PCDHA1: variants seen among roughly 807,000 people sequenced by gnomAD.
The protein encoded by PCDHA1 is protocadherin alpha-1.
A neutral mutation model predicts 61.3 loss-of-function variants in PCDHA1; 42 were observed. The ratio of observed to expected loss-of-function variants is 0.69; its 90% confidence interval spans 0.54 to 0.89. PCDHA1 has a LOEUF of 0.89. Ranked by LOEUF, PCDHA1 falls within the 40% of genes least tolerant of loss-of-function variation. The probability of loss-of-function intolerance (pLI) is 0.00; values close to 1 mark genes in which losing one functional copy is unlikely to be tolerated. For synonymous variants in PCDHA1, 610 were observed against 553.8 expected, an observed-to-expected ratio of 1.10 and a Z score of -1.43; for missense variants, 1,256 against 1,235.3, an observed-to-expected ratio of 1.02 and a Z score of -0.25.
intron 1 of PCDHA1, chr5:140,809,079 T>C (rs1183753194): frequency 2.5e-6 from 4 of 1,613,792 alleles, no homozygotes; most frequent in Non-Finnish European, 2.5e-6. Context: ...ACTGGCGAGA[T>C]CAGCACAACG....
chr5:140,967,528 T>C, intron 1 of PCDHA1: 3 of 1,613,146 alleles, frequency 1.9e-6, no homozygotes, highest in Non-Finnish European at 2.5e-6. Context: ...ACGACAACTC[T>C]CCTGCCTTTG....
At chr5:140,875,247 A>T in intron 1 of PCDHA1, 1 of 962,254 alleles carries the variant, frequency 1.0e-6, no homozygotes, top group Non-Finnish European at 1.5e-6. Flanking sequence ...TTACATAATC[A>T]GTCACATGAT....
chr5:141,008,642 T>C (rs1554261860), intron 3 of PCDHA1, among the ~76,000 whole-genome samples: 1 of 152,212 alleles, frequency 6.6e-6, no homozygotes, highest in Non-Finnish European at 1.5e-5. Flanking sequence ...AACAATTTCT[T>C]CTTCTGGAGT....
intron 1 of PCDHA1, chr5:140,803,407 C>A (rs782612711): frequency 6.2e-7 from 1 of 1,614,210 alleles, no homozygotes; most frequent in East Asian, 2.2e-5. Flanking sequence ...CCGGGCAAGC[C>A]CACGCTGGTG....
Position 140,787,744 on chromosome 5 carries a change from A to G in PCDHA1, c.1454A>G (p.Gln485Arg), listed in dbSNP as rs782274499. ...GTGTCTGCGCGGGACGCGGACGCGC[A>G]GGAGAACGCGCTGGTGTCCTATTCG... Reference protein sequence around the residue: ...FTVSARDADAQENALVSYSLV... With the variant: ...FTVSARDADARENALVSYSLV... The change falls in exon 1 of 4, where the codon CAG (glutamine) becomes CGG (arginine). Residue 485 changes from glutamine (Q) to arginine (R), a missense_variant. Transcript: ENST00000504120. 2.5e-6 allele frequency: 4 copies of G among 1,613,434 alleles called. No homozygotes were observed. In the Admixed American group the frequency reaches 6.7e-5, roughly 27 times the overall value.
chr5:140,968,444 A>G (rs781941315), intron 1 of PCDHA1: 1 of 1,614,048 alleles, frequency 6.2e-7, no homozygotes, highest in South Asian at 1.1e-5. Context: ...CCCACCACTG[A>G]GCAGCACTGT....
intron 1 of PCDHA1, among the ~76,000 whole-genome samples, chr5:140,916,482 G>C (rs2077584456): frequency 6.6e-6 from 1 of 152,194 alleles, no homozygotes; most frequent in African/African-American, 2.4e-5. Context: ...GTGCCCAAGG[G>C]CTCTTTAGTC....
At chr5:140,807,019 GAGA>G in intron 1 of PCDHA1, 1 of 815,358 alleles carries the variant, frequency 1.2e-6, no homozygotes, top group Non-Finnish European at 1.9e-6. Context: ...AAATACATGA[GAGA>G]AGGAGGAAGA....
At chr5:140,794,931 T>C (rs1554119195) in intron 1 of PCDHA1, 1 of 1,561,502 alleles carries the variant, frequency 6.4e-7, no homozygotes, top group South Asian at 1.2e-5. Context: ...CAAAACATGC[T>C]CTTCTAATTT....
intron 1 of PCDHA1, chr5:140,858,328 G>A (rs782462952): frequency 3.1e-6 from 5 of 1,596,534 alleles, no homozygotes; most frequent in East Asian, 2.2e-5. Context: ...GTTCTGGGGA[G>A]GGCCTGCCCA....
At chr5:140,857,104 T>G in intron 1 of PCDHA1, 6 of 1,597,962 alleles carry the variant, frequency 3.8e-6, no homozygotes, top group Non-Finnish European at 5.1e-6. Flanking sequence ...TGATTGTCAC[T>G]TCTCTGTCTC....
At chr5:140,895,036 A>T (rs1207978693) in intron 1 of PCDHA1, among the ~76,000 whole-genome samples, 1 of 151,998 alleles carries the variant, frequency 6.6e-6, no homozygotes, top group Non-Finnish European at 1.5e-5. Flanking sequence ...ATTGTCCCCC[A>T]CCCACACCAT....
intron 1 of PCDHA1, chr5:140,854,178 A>AAAAATT: frequency 1.9e-6 from 1 of 531,180 alleles, no homozygotes; most frequent in Non-Finnish European, 2.4e-6. Flanking sequence ...AAAAAAAAAG[A>AAAAATT]GTAGTTTAAC....
At chr5:140,838,041 C>T (rs1479923409) in intron 1 of PCDHA1, among the ~76,000 whole-genome samples, 1 of 149,154 alleles carries the variant, frequency 6.7e-6, no homozygotes. Flanking sequence ...TACCTTTCTG[C>T]ACTTTTTGGT....
chr5:140,867,125 A>G (rs781885950), intron 1 of PCDHA1: 1 of 152,144 alleles, frequency 6.6e-6, no homozygotes, highest in Non-Finnish European at 1.5e-5. Flanking sequence ...TTTTAATTCA[A>G]ATATGTGATA....
At chr5:140,886,903 A>G (rs1432603652) in intron 1 of PCDHA1, among the ~76,000 whole-genome samples, 1 of 152,188 alleles carries the variant, frequency 6.6e-6, no homozygotes, top group East Asian at 1.9e-4. Context: ...CATTTAATAA[A>G]TACTTATTGA....
intron 1 of PCDHA1, among the ~76,000 whole-genome samples, chr5:140,880,091 C>A (rs925970617): frequency 6.6e-6 from 1 of 152,106 alleles, no homozygotes; most frequent in African/African-American, 2.4e-5. Context: ...TTATAGTAGG[C>A]TTAAAATCAT....
At chr5:140,912,897 G>GT (rs1364534308) in intron 1 of PCDHA1, among the ~76,000 whole-genome samples, 12 of 152,290 alleles carry the variant, frequency 7.9e-5, no homozygotes, top group Admixed American at 3.3e-4. Context: ...TTGATATGAT[G>GT]TATCATATTG....
At chr5:140,795,751 A>G (rs782311905) in intron 1 of PCDHA1, 1 of 1,614,064 alleles carries the variant, frequency 6.2e-7, no homozygotes, top group Non-Finnish European at 8.5e-7. Context: ...CTTAGTGGTT[A>G]AGTTAAACGC....
Sources: allele counts gnomAD v4.1 joint callset (sites outside exome capture counted in the v4.1 genomes callset), GRCh38; gene constraint gnomAD v4.1.1; transcripts MANE v1.5; gene names NCBI Gene and HGNC (gene_info 2026-07-23, HGNC 2026-07-21).